SUSD6: variants seen among roughly 807,000 people sequenced by gnomAD.
SUSD6 encodes the protein sushi domain-containing protein 6.
In SUSD6, 16 loss-of-function variants were observed where a neutral mutation model predicts 28.4. That is an observed-to-expected ratio of 0.56 (90% CI 0.38 to 0.86). The LOEUF is 0.86. Ranked by LOEUF, SUSD6 falls within the 40% of genes least tolerant of loss-of-function variation. The pLI is 0.00. For missense variants in SUSD6, 341 were observed against 384.2 expected (o/e 0.89, Z 0.94); for synonymous variants, 147 against 159.6 (o/e 0.92, Z 0.59).
chr14:69,630,383 G>A (rs1242360570), intron 1 of SUSD6, among the ~76,000 whole-genome samples: 2 of 152,214 alleles, frequency 1.3e-5, no homozygotes, highest in African/African-American at 4.8e-5. Flanking sequence ...GCAGAGAAAG[G>A]TCAGGCTGGT....
At chr14:69,637,801 C>T (rs911543568) in intron 1 of SUSD6, among the ~76,000 whole-genome samples, 2 of 152,166 alleles carry the variant, frequency 1.3e-5, no homozygotes, top group African/African-American at 2.4e-5. Context: ...CTTGTGACAG[C>T]GGGTGGGGTG....
intron 2 of SUSD6, among the ~76,000 whole-genome samples, chr14:69,695,956 G>C (rs1464068757): frequency 6.6e-6 from 1 of 152,166 alleles, no homozygotes. Flanking sequence ...CAACTTGCCT[G>C]GGAGGCTTTC....
At chr14:69,670,481 G>A (rs1566600010) in intron 2 of SUSD6, 2 of 456,744 alleles carry the variant, frequency 4.4e-6, no homozygotes, top group Non-Finnish European at 8.8e-6. Context: ...TTTTCTGAGG[G>A]AGAGAAGTCT....
chr14:69,655,513 C>G (rs1424635468), intron 1 of SUSD6, among the ~76,000 whole-genome samples: 2 of 152,070 alleles, frequency 1.3e-5, no homozygotes, highest in Admixed American at 1.3e-4. Context: ...TTATAAAATG[C>G]TAGCCAGGCA....
chr14:69,712,424 C>T lies in SUSD6; in HGVS notation c.*1445C>T, dbSNP rs1413584059. 2 of 152,280 alleles carry T rather than the reference C, an allele frequency of 1.3e-5. No homozygotes were observed. The highest frequency in any genetic ancestry group is 6.5e-5 in the Admixed American group (1 of 15,278). The allele number at this position is 152,280 out of a possible 1,614,324, so 9.4% of individuals were successfully genotyped here. ...GTGGACGAACTCTGCCAACTGCTGTCATCTTAGAAGATAGATGCAGCAGTA... is the reference window on the plus strand; with the variant it reads ...GTGGACGAACTCTGCCAACTGCTGTTATCTTAGAAGATAGATGCAGCAGTA... On this transcript the variant is annotated 3_prime_UTR_variant, in exon 6 of 6. Coordinates refer to ENST00000342745, the MANE Select transcript of SUSD6 (RefSeq NM_014734.4).
At chr14:69,638,950 G>A (rs1566592295) in intron 1 of SUSD6, among the ~76,000 whole-genome samples, 3 of 152,256 alleles carry the variant, frequency 2.0e-5, no homozygotes, top group Admixed American at 6.5e-5. Flanking sequence ...CAAGGTATAA[G>A]AACCACAGCC....
intron 1 of SUSD6, among the ~76,000 whole-genome samples, chr14:69,653,875 T>C (rs530698502): frequency 5.3e-5 from 8 of 151,916 alleles, no homozygotes; most frequent in Non-Finnish European, 8.8e-5. Context: ...TGGCCCTTTC[T>C]CCACAGTAGC....
intron 2 of SUSD6, among the ~76,000 whole-genome samples, chr14:69,680,674 G>A (rs1885985377): frequency 6.6e-6 from 1 of 152,114 alleles, no homozygotes; most frequent in African/African-American, 2.4e-5. Context: ...AATCTCACCA[G>A]GCATCTCATT....
chr14:69,628,298 T>A (rs1885144801), intron 1 of SUSD6, among the ~76,000 whole-genome samples: 1 of 152,132 alleles, frequency 6.6e-6, no homozygotes, highest in Non-Finnish European at 1.5e-5. Flanking sequence ...CGTGGGTCAT[T>A]TGTGGTGGCA....
chr14:69,645,156 T>G (rs1375366234), intron 1 of SUSD6, among the ~76,000 whole-genome samples: 1 of 152,138 alleles, frequency 6.6e-6, no homozygotes, highest in Non-Finnish European at 1.5e-5. Flanking sequence ...GAAGACAGGA[T>G]CTTGTTTGGC....
chr14:69,646,700 C>CTTTTTTTTTTTTTTTTT (rs61409476), intron 1 of SUSD6, among the ~76,000 whole-genome samples: 1 of 109,220 alleles, frequency 9.2e-6, no homozygotes, highest in Non-Finnish European at 1.7e-5. Flanking sequence ...TTTTTTCCAT[C>CTTTTTTTTTTTTTTTTT]TTTTTTTTTT....
chr14:69,631,241 G>C (rs190163805), intron 1 of SUSD6, among the ~76,000 whole-genome samples: 192 of 152,280 alleles, frequency 1.3e-3, no homozygotes, highest in Middle Eastern at 3.4e-3. Flanking sequence ...ACCTCAAGGG[G>C]GTGCATAGCT....
chr14:69,639,956 G>GTT (rs11463756), intron 1 of SUSD6, among the ~76,000 whole-genome samples: 34,980 of 81,748 alleles, frequency 0.43, 7,623 homozygotes, highest in East Asian at 0.57. Context: ...CACCTACACT[G>GTT]TTTTTTTTTT....
At chr14:69,689,811 G>A (rs1316156030) in intron 2 of SUSD6, among the ~76,000 whole-genome samples, 1 of 152,158 alleles carries the variant, frequency 6.6e-6, no homozygotes, top group Non-Finnish European at 1.5e-5. Flanking sequence ...AATTACAGGT[G>A]TGTGCCACGT....
chr14:69,660,754 G>A (rs919073095), intron 2 of SUSD6, among the ~76,000 whole-genome samples: 2 of 152,232 alleles, frequency 1.3e-5, no homozygotes, highest in Non-Finnish European at 2.9e-5. Context: ...TTCATGACAT[G>A]TAAAAATGTA....
chr14:69,639,296 A>G lies in SUSD6; in HGVS notation c.-80-19217A>G, dbSNP rs557412234. 2.1e-5 allele frequency among the ~76,000 whole-genome samples: 3 copies of G among 140,864 alleles called. No individual in the cohort carries two copies. In the South Asian group the frequency reaches 7.6e-4, roughly 36 times the overall value. 92.4% of individuals were successfully genotyped at this position (140,864 alleles called of 152,430 possible). A position where few individuals can be genotyped will look rare whatever the true frequency, so the allele number is the denominator to read the frequency against. ...TGAGCCGGGATCCAGCCTGGGCAACACAGCGAGACTCCGTCTCAAAAAAAA... is the reference window on the plus strand; with the variant it reads ...TGAGCCGGGATCCAGCCTGGGCAACGCAGCGAGACTCCGTCTCAAAAAAAA... On this transcript the variant is annotated intron_variant, in intron 1 of 5. Coordinates refer to ENST00000342745, the MANE Select transcript of SUSD6 (RefSeq NM_014734.4).
At chr14:69,667,585 G>A (rs867919150) in intron 2 of SUSD6, among the ~76,000 whole-genome samples, 23 of 150,640 alleles carry the variant, frequency 1.5e-4, no homozygotes, top group African/African-American at 4.9e-4. Flanking sequence ...GGGTTTCACC[G>A]TGTTAGCCAG....
At chr14:69,687,326 T>A (rs1886088205) in intron 2 of SUSD6, among the ~76,000 whole-genome samples, 1 of 151,772 alleles carries the variant, frequency 6.6e-6, no homozygotes. Flanking sequence ...GGCCAGGCTG[T>A]TCTCGAACTC....
intron 1 of SUSD6, among the ~76,000 whole-genome samples, chr14:69,647,396 C>G (rs764123572): frequency 6.6e-6 from 1 of 152,050 alleles, no homozygotes; most frequent in Non-Finnish European, 1.5e-5. Context: ...TCAAATTGTG[C>G]TGGCTGGTGG....
Sources: allele counts gnomAD v4.1 joint callset (sites outside exome capture counted in the v4.1 genomes callset), GRCh38; gene constraint gnomAD v4.1.1; transcripts MANE v1.5; gene names NCBI Gene and HGNC (gene_info 2026-07-23, HGNC 2026-07-21).